PSD3: variants seen among roughly 807,000 people sequenced by gnomAD.
The protein encoded by PSD3 is PH and SEC7 domain-containing protein 3.
Under a neutral mutation model 105.5 loss-of-function variants are expected in PSD3, and 49 were observed. That is an observed-to-expected ratio of 0.46 (90% CI 0.37 to 0.59). The LOEUF is 0.59. PSD3 is among the 20% of genes least tolerant of loss of function. The pLI is 0.00. For synonymous variants in PSD3, 557 were observed against 457.8 expected (o/e 1.22, Z -2.77); for missense variants, 1,561 against 1,263.8 (o/e 1.24, Z -3.57).
intron 9 of PSD3, among the ~76,000 whole-genome samples, chr8:18,661,631 C>T (rs1419637927): frequency 5.9e-5 from 9 of 152,070 alleles, no homozygotes; most frequent in East Asian, 1.9e-4. Context: ...TTGCCCCCTC[C>T]GCACCAGTGG....
intron 2 of PSD3, among the ~76,000 whole-genome samples, chr8:18,877,193 C>T (rs1428219802): frequency 1.3e-5 from 2 of 152,162 alleles, no homozygotes; most frequent in Non-Finnish European, 2.9e-5. Context: ...ATCCGTTTTT[C>T]CTTTGGTCTC....
At chr8:18,577,896 C>T (rs1323178996) in intron 12 of PSD3, among the ~76,000 whole-genome samples, 1 of 152,036 alleles carries the variant, frequency 6.6e-6, no homozygotes, top group East Asian at 1.9e-4. Context: ...TGACCTCTCT[C>T]CTCTCATACC....
chr8:18,912,146 T>A (rs1586401626), intron 2 of PSD3, among the ~76,000 whole-genome samples: 1 of 152,182 alleles, frequency 6.6e-6, no homozygotes, highest in African/African-American at 2.4e-5. Flanking sequence ...ATCTGAGAAG[T>A]TTTTGCCATG....
chr8:18,651,125 G>T (rs1365643112), intron 10 of PSD3, among the ~76,000 whole-genome samples: 1 of 152,140 alleles, frequency 6.6e-6, no homozygotes, highest in Non-Finnish European at 1.5e-5. Context: ...TAAAAGTGGA[G>T]CTGTTTTGAT....
chr8:18,645,582 T>C (rs1352217767), intron 10 of PSD3, among the ~76,000 whole-genome samples: 1 of 152,228 alleles, frequency 6.6e-6, no homozygotes, highest in Admixed American at 6.5e-5. Context: ...GTATAGATTG[T>C]CTTGTAAGTT....
At chr8:18,804,320 A>T (rs1402243375) in intron 6 of PSD3, 3 of 442,620 alleles carry the variant, frequency 6.8e-6, no homozygotes, top group Non-Finnish European at 1.2e-5. Context: ...CACTTGGATA[A>T]GTATAACACA....
At chr8:18,912,476 GA>G (rs1271664831) in intron 2 of PSD3, among the ~76,000 whole-genome samples, 2 of 151,832 alleles carry the variant, frequency 1.3e-5, no homozygotes, top group African/African-American at 2.4e-5. Flanking sequence ...CTTTCAGAAG[GA>G]AAAAAATATA....
chr8:19,027,552 CCCT>C (rs1827600369), intron 1 of PSD3, among the ~76,000 whole-genome samples: 1 of 152,148 alleles, frequency 6.6e-6, no homozygotes. Context: ...ATATTTCACC[CCCT>C]CCTCATGCTC....
At chr8:18,614,031 C>G (rs1037933565) in intron 11 of PSD3, among the ~76,000 whole-genome samples, 26 of 152,212 alleles carry the variant, frequency 1.7e-4, no homozygotes, top group Admixed American at 2.6e-4. Context: ...AAATCTGTGT[C>G]TCCTGAATTA....
chr8:18,642,526 C>T (rs905316243), intron 10 of PSD3, among the ~76,000 whole-genome samples: 1 of 152,062 alleles, frequency 6.6e-6, no homozygotes, highest in Non-Finnish European at 1.5e-5. Flanking sequence ...ATTCTCTATC[C>T]TTAGCATACT....
chr8:18,812,315 G>A (rs574907819), intron 4 of PSD3, among the ~76,000 whole-genome samples: 5 of 152,194 alleles, frequency 3.3e-5, no homozygotes, highest in African/African-American at 1.2e-4. Context: ...GCAGAGTTGG[G>A]GAACGACTTT....
chr8:18,771,244 G>C (rs1030729386), intron 8 of PSD3, among the ~76,000 whole-genome samples: 6 of 152,146 alleles, frequency 3.9e-5, no homozygotes, highest in Non-Finnish European at 8.8e-5. Context: ...CTCACTTTGG[G>C]CCACCGCATC....
intron 11 of PSD3, among the ~76,000 whole-genome samples, chr8:18,620,024 G>A (rs888771294): frequency 3.4e-4 from 52 of 152,122 alleles, no homozygotes; most frequent in African/African-American, 1.2e-3. Flanking sequence ...GTTTCTCTGA[G>A]GGCTGCCACC....
At chr8:18,856,532 C>T (rs1395220637) in intron 4 of PSD3, among the ~76,000 whole-genome samples, 1 of 152,146 alleles carries the variant, frequency 6.6e-6, no homozygotes, top group African/African-American at 2.4e-5. Context: ...ATGCCAACTA[C>T]GAATAATGAA....
chr8:18,650,087 A>C (rs1490688329), intron 10 of PSD3, among the ~76,000 whole-genome samples: 2 of 152,384 alleles, frequency 1.3e-5, no homozygotes, highest in African/African-American at 4.8e-5. Flanking sequence ...ACTGTTGTAG[A>C]AAGCAGCAAT....
rs191006463 is a variant in PSD3 at position 18,550,211 on chromosome 8, T to C, written c.2928+5998A>G. 4.5e-4 allele frequency among the ~76,000 whole-genome samples: 68 copies of C among 152,356 alleles called. No homozygotes were observed. In the East Asian group the frequency reaches 0.013, roughly 29 times the overall value. On this transcript the variant is annotated intron_variant, in intron 15 of 15. Coordinates refer to ENST00000327040, the MANE Select transcript of PSD3 (RefSeq NM_015310.4). Reference sequence around the variant, plus strand: ...GCTGCTTATTCTTCCTTCTCAGGAATGGCCCTAATTCTTTGCAATCATCTA... The same window carrying C: ...GCTGCTTATTCTTCCTTCTCAGGAACGGCCCTAATTCTTTGCAATCATCTA...
intron 8 of PSD3, among the ~76,000 whole-genome samples, chr8:18,790,403 T>C (rs940049001): frequency 8.6e-5 from 13 of 151,152 alleles, no homozygotes; most frequent in South Asian, 2.1e-4. Flanking sequence ...CCAAGGTTCA[T>C]GCCATTCTCC....
chr8:18,670,354 G>C (rs530088145), intron 9 of PSD3, among the ~76,000 whole-genome samples: 1 of 152,160 alleles, frequency 6.6e-6, no homozygotes, highest in African/African-American at 2.4e-5. Context: ...TGTGCTGGCC[G>C]GGTGACCACT....
At chr8:18,581,735 G>A (rs150492632) in intron 12 of PSD3, among the ~76,000 whole-genome samples, 1 of 152,090 alleles carries the variant, frequency 6.6e-6, no homozygotes, top group Non-Finnish European at 1.5e-5. Flanking sequence ...GCATAATACT[G>A]GTCTTCTCAT....
Sources: allele counts gnomAD v4.1 joint callset (sites outside exome capture counted in the v4.1 genomes callset), GRCh38; gene constraint gnomAD v4.1.1; transcripts MANE v1.5; gene names NCBI Gene and HGNC (gene_info 2026-07-23, HGNC 2026-07-21).